The following CCDC40 variants were observed in gnomAD, a reference collection of about 807,000 sequenced individuals.
CCDC40 encodes coiled-coil domain 40 molecular ruler complex subunit, also known as coiled-coil domain-containing protein 40.
In CCDC40, 104 loss-of-function variants were observed where a neutral mutation model predicts 124.5. The observed-to-expected ratio is 0.84, with a 90% CI of 0.71 to 0.98. CCDC40 has a LOEUF of 0.98. Ranked by LOEUF, CCDC40 falls within the 50% of genes least tolerant of loss-of-function variation. The pLI, the probability that CCDC40 is intolerant of heterozygous loss-of-function variation, is 0.00. For synonymous variants in CCDC40, 580 were observed against 602.9 expected, an observed-to-expected ratio of 0.96 and a Z score of 0.56; for missense variants, 1,463 against 1,503.9, an observed-to-expected ratio of 0.97 and a Z score of 0.45.
intron 7 of CCDC40, among the ~76,000 whole-genome samples, chr17:80,056,012 A>ATTT (rs1278622929): frequency 1.4e-4 from 2 of 14,136 alleles, no homozygotes; most frequent in African/African-American, 5.2e-4. Context: ...ATATATATAT[A>ATTT]TATATTTTTT....
intron 9 of CCDC40, among the ~76,000 whole-genome samples, chr17:80,062,687 C>T (rs1172456880): frequency 7.2e-5 from 11 of 152,122 alleles, no homozygotes; most frequent in Non-Finnish European, 1.3e-4. Flanking sequence ...CCAAGCAATC[C>T]TCCCACCTCA....
At chr17:80,042,874 T>C (rs1177869159) in intron 3 of CCDC40, among the ~76,000 whole-genome samples, 2 of 151,692 alleles carry the variant, frequency 1.3e-5, no homozygotes, top group Admixed American at 1.3e-4. Context: ...TTTTTTTTTT[T>C]TAATCATAAA....
chr17:80,049,044 G>A (rs962654483), intron 5 of CCDC40, among the ~76,000 whole-genome samples: 8 of 150,596 alleles, frequency 5.3e-5, no homozygotes, highest in Non-Finnish European at 1.0e-4. Context: ...CAGCATCCCC[G>A]AGCTCCCCCT....
Position 80,056,365 on chromosome 17 carries a change from G to T in CCDC40, c.1160-2129G>T, listed in dbSNP as rs1236433361. On this transcript the variant is annotated intron_variant, in intron 7 of 19. Transcript: ENST00000397545. Reference sequence around the variant, plus strand: ...CCAGGTGCGGAGGCTCACGCCTGTAGTGTTGACACTTTGGGAGGCTGAGGC... The same window carrying T: ...CCAGGTGCGGAGGCTCACGCCTGTATTGTTGACACTTTGGGAGGCTGAGGC... Among the ~76,000 whole-genome samples, 5 of 152,080 alleles carry T rather than the reference G, an allele frequency of 3.3e-5. No individual in the cohort carries two copies. In the East Asian group the frequency reaches 9.8e-4, roughly 30 times the overall value.
chr17:80,085,030 G>A (rs1034694112), intron 13 of CCDC40, 42 bp downstream of exon 13: 10 of 1,607,778 alleles, frequency 6.2e-6, no homozygotes, highest in Non-Finnish European at 8.5e-6. Context: ...GGCTGACTGT[G>A]GTGCCTGGTG....
At chr17:80,081,464 C>A in intron 10 of CCDC40, 82 bp from the exon 11 acceptor site, 1 of 1,557,026 alleles carries the variant, frequency 6.4e-7, no homozygotes, top group Non-Finnish European at 8.8e-7. Context: ...CCTTAGTGAG[C>A]TCCCTCGTGT....
At chr17:80,069,371 T>C (rs1054147305) in intron 10 of CCDC40, among the ~76,000 whole-genome samples, 4 of 152,216 alleles carry the variant, frequency 2.6e-5, no homozygotes, top group African/African-American at 4.8e-5. Flanking sequence ...TCCCTATTTT[T>C]GCAGGAGTTT....
At chr17:80,042,491 G>A (rs2037307539) in intron 3 of CCDC40, among the ~76,000 whole-genome samples, 2 of 152,136 alleles carry the variant, frequency 1.3e-5, no homozygotes, top group Admixed American at 6.5e-5. Context: ...AAATACAATT[G>A]GTTTTTGTAT....
At chr17:80,089,345 C>T (rs1419658999) in intron 16 of CCDC40, among the ~76,000 whole-genome samples, 3 of 152,170 alleles carry the variant, frequency 2.0e-5, no homozygotes, top group Non-Finnish European at 4.4e-5. Context: ...TTGATAGAAT[C>T]TAGGCAAAAA....
intron 5 of CCDC40, among the ~76,000 whole-genome samples, 179 bp from the exon 6 acceptor site, chr17:80,049,727 A>G (rs2037529193): frequency 6.6e-6 from 1 of 152,000 alleles, no homozygotes. Context: ...AGATGAGACC[A>G]TGAGGTGCCT....
intron 17 of CCDC40, among the ~76,000 whole-genome samples, chr17:80,093,455 T>C (rs976946794): frequency 6.6e-6 from 1 of 152,086 alleles, no homozygotes; most frequent in African/African-American, 2.4e-5. Flanking sequence ...AGTGCTGGGA[T>C]TACAGGTGTG....
chr17:80,058,909 A>C lies in CCDC40; in HGVS notation c.1369A>C (p.Ile457Leu). 6.2e-7 allele frequency: 1 copy of C among 1,614,154 alleles called. No homozygotes were observed. The highest frequency in any genetic ancestry group is 8.5e-7 in the Non-Finnish European group (1 of 1,180,006). Residue 457 changes from isoleucine (I) to leucine (L), a missense_variant, in exon 9 of 20, where the codon ATT becomes CTT. Coordinates refer to ENST00000397545, the MANE Select transcript of CCDC40 (RefSeq NM_017950.4). The surrounding 1 kb of genome is among the most constrained non-coding windows in gnomAD (Gnocchi z 4.2). ...TCGAGCCCAGCAACTGGAAGAAGACATTGCCCTGTTTGAGGCTCAGTACTT... is the reference window on the plus strand; with the variant it reads ...TCGAGCCCAGCAACTGGAAGAAGACCTTGCCCTGTTTGAGGCTCAGTACTT... ...TTRAQQLEED[I>L]ALFEAQYLAQ...
rs538221665 is a variant in CCDC40, at chr17:80,099,995, C to T, written c.*220C>T. 8.6e-4 allele frequency: 501 copies of T among 582,434 alleles called. No homozygotes were observed. The highest frequency in any genetic ancestry group is 1.2e-3 in the Non-Finnish European group (401 of 328,130). The allele number at this position is 582,434 out of a possible 1,614,324, so 36.1% of individuals were successfully genotyped here. ...CCTAGCGTTTCCCATGGCATCCCAT[C>T]GCAAAGACAGAGCCTGTGACTGCAG... On this transcript the variant is annotated 3_prime_UTR_variant, in exon 20 of 20. Coordinates refer to ENST00000397545, the MANE Select transcript of CCDC40 (RefSeq NM_017950.4).
At position 80,086,587 on chromosome 17, in the gene CCDC40, A is replaced by G. The variant is rs1006443709; in HGVS notation, c.2449+371A>G. On this transcript the variant is annotated intron_variant, in intron 14 of 19. Coordinates refer to ENST00000397545, the MANE Select transcript of CCDC40 (RefSeq NM_017950.4). This position sits in a 1 kb window ranked among gnomAD's most constrained non-coding sequence, Gnocchi z 5.5. ...GGCAGGCTCCTGGTGCTGTCCCCAC[A>G]TCACCTCCAGTTGGGCTTAGAAAAC... 9.8e-6 allele frequency: 3 copies of G among 307,394 alleles called. No individual in the cohort carries two copies. The highest frequency in any genetic ancestry group is 2.2e-5 in the African/African-American group (1 of 45,472). The allele number at this position is 307,394 out of a possible 1,614,324, so 19.0% of individuals were successfully genotyped here.
chr17:80,094,805 T>C (rs1304639891), intron 17 of CCDC40, among the ~76,000 whole-genome samples: 1 of 152,172 alleles, frequency 6.6e-6, no homozygotes, highest in Non-Finnish European at 1.5e-5. Context: ...AAAGTTCCTG[T>C]GCACCCCCGC....
chr17:80,071,144 C>T (rs2038176437), intron 10 of CCDC40, among the ~76,000 whole-genome samples: 1 of 152,218 alleles, frequency 6.6e-6, no homozygotes, highest in African/African-American at 2.4e-5. Context: ...GAAAACAAAG[C>T]CTGGACCGCA....
intron 12 of CCDC40, among the ~76,000 whole-genome samples, chr17:80,083,860 T>C (rs544097623): frequency 1.3e-5 from 2 of 152,324 alleles, no homozygotes; most frequent in African/African-American, 4.8e-5. Flanking sequence ...TCATAAACTA[T>C]GCTGCAAATG....
chr17:80,044,162 G>A (rs1254782179), intron 3 of CCDC40, among the ~76,000 whole-genome samples: 1 of 152,128 alleles, frequency 6.6e-6, no homozygotes, highest in South Asian at 2.1e-4. Context: ...CAAGGTCATT[G>A]CATAGTCACC....
chr17:80,069,875 C>T (rs1390353935), intron 10 of CCDC40, among the ~76,000 whole-genome samples: 1 of 152,192 alleles, frequency 6.6e-6, no homozygotes, highest in Non-Finnish European at 1.5e-5. Flanking sequence ...CTTCCTTTTC[C>T]CTCAGTCCTG....
Sources: allele counts gnomAD v4.1 joint callset (sites outside exome capture counted in the v4.1 genomes callset), GRCh38; gene constraint gnomAD v4.1.1; non-coding constraint Gnocchi (gnomAD v3.1); transcripts MANE v1.5; gene names NCBI Gene and HGNC (gene_info 2026-07-23, HGNC 2026-07-21).